Variants in FOXP2 observed in about 807,000 individuals in gnomAD.
FOXP2 encodes forkhead box P2, also known as forkhead box protein P2.
FOXP2 carries 12 observed loss-of-function variants against 115.8 expected under a neutral mutation model. That is an observed-to-expected ratio of 0.10 (90% confidence interval 0.07 to 0.17). The LOEUF (loss-of-function observed/expected upper bound fraction) is 0.17, where lower values mean the gene tolerates loss of function less well. Among genes scored for constraint, FOXP2 ranks in the 10% least tolerant of loss-of-function variants. FOXP2 has a pLI of 1.00. For missense variants in FOXP2, 629 were observed against 843.5 expected (o/e 0.75, Z 3.15); for synonymous variants, 328 against 297.7 (o/e 1.10, Z -1.05).
intron 2 of FOXP2, among the ~76,000 whole-genome samples, chr7:114,373,079 A>AC (rs1792053646): frequency 6.6e-6 from 1 of 150,700 alleles, no homozygotes; most frequent in Admixed American, 6.6e-5. Flanking sequence ...TGCAAGCTCC[A>AC]CCTCCCATGT....
chr7:114,656,195 C>G (rs1806578111), intron 10 of FOXP2, among the ~76,000 whole-genome samples: 1 of 151,992 alleles, frequency 6.6e-6, no homozygotes, highest in African/African-American at 2.4e-5. Flanking sequence ...AGAGTCCTGT[C>G]ACATATTCAT....
At chr7:114,347,968 T>A (rs188603989) in intron 2 of FOXP2, among the ~76,000 whole-genome samples, 2 of 152,172 alleles carry the variant, frequency 1.3e-5, no homozygotes, top group East Asian at 1.9e-4. Flanking sequence ...TAAAAACTTG[T>A]TAATAGAAAT....
intron 1 of FOXP2, among the ~76,000 whole-genome samples, chr7:114,138,013 G>C (rs2129146503): frequency 6.6e-6 from 1 of 152,242 alleles, no homozygotes; most frequent in South Asian, 2.1e-4. Flanking sequence ...TGTGTGATGT[G>C]AAGCAGTTGT....
intron 2 of FOXP2, chr7:114,288,225 AGTT>A (rs1189612189): frequency 5.1e-6 from 2 of 394,616 alleles, no homozygotes; most frequent in Non-Finnish European, 1.0e-5. Flanking sequence ...AATGTTAAGA[AGTT>A]GTTTTCAGCG....
rs150802895 is a variant in FOXP2, at chr7:114,376,611, C to T, written c.-10-49891C>T. Among the ~76,000 whole-genome samples the T allele has an allele frequency of 2.6e-5, 4 of 152,232 alleles. No individual in the cohort carries two copies. The East Asian group carries it at 7.7e-4, about 29-fold the overall frequency. ...AACCTTTCCTGAGAGAGGTAGACTT[C>T]TAAATATATAGCAGCATAAGTTATG... On this transcript the variant is annotated intron_variant, in intron 2 of 17. Transcript: ENST00000634411.
chr7:114,308,660 G>T (rs1183645334), intron 2 of FOXP2, among the ~76,000 whole-genome samples: 1 of 152,170 alleles, frequency 6.6e-6, no homozygotes, highest in Non-Finnish European at 1.5e-5. Context: ...CAATCCAGAT[G>T]CCTGTGGAAG....
intron 1 of FOXP2, among the ~76,000 whole-genome samples, chr7:114,090,788 A>G (rs983078796): frequency 1.3e-5 from 2 of 151,604 alleles, no homozygotes; most frequent in Admixed American, 1.3e-4. Context: ...GTCTTTATTA[A>G]GTACAATTAT....
chr7:114,294,911 T>TAC (rs1273657145), intron 2 of FOXP2, among the ~76,000 whole-genome samples: 248 of 151,400 alleles, frequency 1.6e-3, no homozygotes, highest in African/African-American at 4.3e-3. Context: ...TGCATGCATA[T>TAC]ATACATACAT....
At chr7:114,381,690 T>A (rs1278068963) in intron 2 of FOXP2, among the ~76,000 whole-genome samples, 1 of 152,174 alleles carries the variant, frequency 6.6e-6, no homozygotes, top group African/African-American at 2.4e-5. Flanking sequence ...ACAGCCTCAC[T>A]GATAATCCTG....
chr7:114,292,644 T>G (rs1005611716), intron 2 of FOXP2, among the ~76,000 whole-genome samples: 5 of 152,178 alleles, frequency 3.3e-5, no homozygotes, highest in Admixed American at 2.0e-4. Flanking sequence ...CACTATATTT[T>G]TCTTATTTCT....
chr7:114,690,965 C>A lies in FOXP2; in HGVS notation c.*1039C>A. 1 of 454,472 alleles carries A rather than the reference C, an allele frequency of 2.2e-6. No individual in the cohort carries two copies. The highest frequency in any genetic ancestry group is 1.6e-5 in the South Asian group (1 of 64,478). 28.2% of individuals were successfully genotyped at this position (454,472 alleles called of 1,614,324 possible). A position where few individuals can be genotyped will look rare whatever the true frequency, so the allele number is the denominator to read the frequency against. ...AATGTTAATTCAGTCACAGAGTAAT[C>A]TTCTGAGGCCAAAAGTCCATCTAAA... On this transcript the variant is annotated 3_prime_UTR_variant, in exon 17 of 17. Coordinates refer to ENST00000350908, the MANE Select transcript of FOXP2 (RefSeq NM_014491.4).
chr7:114,191,203 A>G (rs1466855712), intron 1 of FOXP2, among the ~76,000 whole-genome samples: 2 of 151,970 alleles, frequency 1.3e-5, no homozygotes, highest in Non-Finnish European at 2.9e-5. Flanking sequence ...GTCATTTTTT[A>G]TAGTTTATGG....
chr7:114,471,263 A>C (rs1796033652), intron 2 of FOXP2, among the ~76,000 whole-genome samples: 1 of 152,200 alleles, frequency 6.6e-6, no homozygotes, highest in African/African-American at 2.4e-5. Context: ...AGATTGACTT[A>C]GTTGTGGACT....
intron 2 of FOXP2, among the ~76,000 whole-genome samples, chr7:114,474,881 C>T (rs1796191007): frequency 6.6e-6 from 1 of 151,754 alleles, no homozygotes; most frequent in African/African-American, 2.4e-5. Flanking sequence ...GTTCTCTGTT[C>T]CTACACTACT....
chr7:114,227,398 T>G (rs1244544704), intron 1 of FOXP2, among the ~76,000 whole-genome samples: 1 of 152,078 alleles, frequency 6.6e-6, no homozygotes, highest in African/African-American at 2.4e-5. Flanking sequence ...CAAGCAGCAT[T>G]CTGATTTGTC....
At chr7:114,686,207 C>G (rs1678027098) in intron 16 of FOXP2, among the ~76,000 whole-genome samples, 2 of 150,884 alleles carry the variant, frequency 1.3e-5, no homozygotes, top group East Asian at 1.9e-4. Context: ...GAGTCTCACT[C>G]TGTCACCCAG....
intron 3 of FOXP2, among the ~76,000 whole-genome samples, chr7:114,597,084 A>G (rs888027101): frequency 6.6e-6 from 1 of 152,054 alleles, no homozygotes; most frequent in African/African-American, 2.4e-5. Context: ...CTCAATGCTC[A>G]TTTTTTATGA....
At chr7:114,231,661 A>C (rs1474588415) in intron 1 of FOXP2, among the ~76,000 whole-genome samples, 3 of 152,328 alleles carry the variant, frequency 2.0e-5, no homozygotes, top group African/African-American at 7.2e-5. Flanking sequence ...GGAAAATTGG[A>C]TATCCACATG....
intron 2 of FOXP2, among the ~76,000 whole-genome samples, chr7:114,388,962 T>C (rs1792523156): frequency 6.6e-6 from 1 of 152,242 alleles, no homozygotes. Flanking sequence ...GGACGTTGAA[T>C]ATTACTGATG....
Sources: gnomAD v4.1 joint callset for allele counts (sites outside exome capture counted in the v4.1 genomes callset) on GRCh38, gnomAD v4.1.1 for gene constraint, MANE v1.5 for transcripts, NCBI Gene and HGNC (gene_info 2026-07-23, HGNC 2026-07-21) for gene names.